DGKI: variants seen among roughly 807,000 people sequenced by gnomAD.
DGKI encodes DAG kinase iota.
In DGKI, 55 loss-of-function variants were observed where a neutral mutation model predicts 147.5. That is an observed-to-expected ratio of 0.37 (90% CI 0.30 to 0.47). DGKI has a LOEUF of 0.47. DGKI is among the 20% of genes least tolerant of loss of function. The probability of loss-of-function intolerance (pLI) is 1.00; values close to 1 mark genes in which losing one functional copy is unlikely to be tolerated. For missense variants in DGKI, 1,007 were observed against 1,323.8 expected (o/e 0.76, Z 3.71); for synonymous variants, 469 against 477.1 (o/e 0.98, Z 0.22).
chr7:137,692,922 C>T (rs775540591), intron 1 of DGKI, among the ~76,000 whole-genome samples: 20 of 152,042 alleles, frequency 1.3e-4, no homozygotes, highest in Non-Finnish European at 2.9e-5. Flanking sequence ...ATTGCCCTCA[C>T]AAAAGGACAT....
At chr7:137,780,295 G>A (rs553575344) in intron 1 of DGKI, among the ~76,000 whole-genome samples, 2 of 152,286 alleles carry the variant, frequency 1.3e-5, no homozygotes, top group East Asian at 1.9e-4. Context: ...AATGAGGAAT[G>A]GTATTTAGAG....
At chr7:137,400,640 G>A (rs1562995529) in intron 30 of DGKI, among the ~76,000 whole-genome samples, 1 of 152,094 alleles carries the variant, frequency 6.6e-6, no homozygotes, top group Non-Finnish European at 1.5e-5. Flanking sequence ...CATGCCCGCG[G>A]CTACCCATCA....
chr7:137,516,249 T>A (rs563451228), intron 21 of DGKI, among the ~76,000 whole-genome samples: 58 of 152,276 alleles, frequency 3.8e-4, no homozygotes, highest in African/African-American at 1.3e-3. Context: ...AAAACTCTAC[T>A]AAGGAAATAT....
chr7:137,658,820 G>T (rs931111312), intron 3 of DGKI, among the ~76,000 whole-genome samples: 6 of 152,312 alleles, frequency 3.9e-5, no homozygotes, highest in South Asian at 2.1e-4. Flanking sequence ...GGTGCATTAA[G>T]ATATGCTATC....
At chr7:137,492,307 A>T (rs1815793920) in intron 21 of DGKI, among the ~76,000 whole-genome samples, 1 of 152,228 alleles carries the variant, frequency 6.6e-6, no homozygotes, top group Non-Finnish European at 1.5e-5. Flanking sequence ...CTGAACAGAC[A>T]CAGCCAGAAG....
At chr7:137,521,837 A>G in intron 21 of DGKI, 29 bp downstream of exon 21, 2 of 1,504,562 alleles carry the variant, frequency 1.3e-6, no homozygotes, top group Non-Finnish European at 9.2e-7. Flanking sequence ...GGCTGATCGC[A>G]TGAAATCAAT....
chr7:137,836,953 C>A (rs1291295570), intron 1 of DGKI, among the ~76,000 whole-genome samples: 1 of 152,064 alleles, frequency 6.6e-6, no homozygotes, highest in East Asian at 1.9e-4. Flanking sequence ...GTCTAATAAA[C>A]CACTAGATTG....
chr7:137,749,392 C>A (rs1279564608), intron 1 of DGKI, among the ~76,000 whole-genome samples: 1 of 152,142 alleles, frequency 6.6e-6, no homozygotes, highest in Non-Finnish European at 1.5e-5. Context: ...AAGCAAGCTC[C>A]CCACTCAAAC....
chr7:137,473,814 A>G (rs932151974), intron 23 of DGKI, among the ~76,000 whole-genome samples: 4 of 152,164 alleles, frequency 2.6e-5, no homozygotes, highest in African/African-American at 7.2e-5. Context: ...TTTATAAACA[A>G]AGGGAAAAAA....
At position 137,407,861 on chromosome 7, in the gene DGKI, C is replaced by G; in HGVS notation, c.2920+14G>C. ...AGGTAAGTGATCCTTGGTAAGTTCACTATGCCTACTTACCGTGGTCAAGGA... is the reference window on the plus strand; with the variant it reads ...AGGTAAGTGATCCTTGGTAAGTTCAGTATGCCTACTTACCGTGGTCAAGGA... On this transcript the variant is annotated intron_variant, in intron 30 of 32. Transcript: ENST00000614521. The G allele has an allele frequency of 6.2e-7, 1 of 1,613,656 alleles. No homozygotes were observed. The highest frequency in any genetic ancestry group is 1.1e-5 in the South Asian group (1 of 90,992).
chr7:137,395,736 G>T (rs1299731716), intron 31 of DGKI, 39 bp from the exon 32 acceptor site: 1 of 1,593,252 alleles, frequency 6.3e-7, no homozygotes, highest in Admixed American at 1.7e-5. Flanking sequence ...CCATAAAGGG[G>T]TTGGAGGCAG....
intron 8 of DGKI, among the ~76,000 whole-genome samples, chr7:137,611,639 A>T (rs1248774825): frequency 6.6e-6 from 1 of 152,152 alleles, no homozygotes; most frequent in East Asian, 1.9e-4. Context: ...ACCTCATGGG[A>T]CAGTTATGAA....
chr7:137,753,863 C>A (rs1485991005), intron 1 of DGKI, among the ~76,000 whole-genome samples: 1 of 152,112 alleles, frequency 6.6e-6, no homozygotes, highest in Non-Finnish European at 1.5e-5. Flanking sequence ...TCCTACAGAG[C>A]AGCCCCAAAT....
chr7:137,599,358 T>C (rs1819906249), intron 11 of DGKI, among the ~76,000 whole-genome samples: 1 of 152,002 alleles, frequency 6.6e-6, no homozygotes, highest in Admixed American at 6.6e-5. Flanking sequence ...TCAGGTATAA[T>C]CAATTGATTC....
At position 137,507,650 on chromosome 7, in the gene DGKI, G is replaced by A. The variant is rs1026632690; in HGVS notation, c.2248+14216C>T. Among the ~76,000 whole-genome samples the A allele has an allele frequency of 1.1e-4, 17 of 152,184 alleles. 1 individual carries two copies. The highest frequency in any genetic ancestry group is 3.3e-4 in the Admixed American group (5 of 15,278). On this transcript the variant is annotated intron_variant, in intron 21 of 32. Coordinates refer to ENST00000614521, the MANE Select transcript of DGKI (RefSeq NM_001321708.2). ...CATTCACTTAATCATTTTAGCAAACGGGTTTTAAGGACTTTCTGGTGCTGG... is the reference window on the plus strand; with the variant it reads ...CATTCACTTAATCATTTTAGCAAACAGGTTTTAAGGACTTTCTGGTGCTGG...
In DGKI at chr7:137,823,403, T is replaced by C. The variant is rs148724762; in HGVS notation, c.401+23059A>G. Among the ~76,000 whole-genome samples, 672 of 152,286 alleles carry C rather than the reference T, an allele frequency of 4.4e-3. 10 individuals carry two copies. Among genetic ancestry groups the C allele is most frequent in the African/African-American group, 0.015 (633 of 41,550 alleles). The stretch of plus-strand genomic sequence containing the variant: ...CAAGTGTGAAGGTAAAATGTATATA[T>C]ATTCTCAGACATAAAAGGACTCTAA... On this transcript the variant is annotated intron_variant, in intron 1 of 32. Coordinates refer to ENST00000614521, the MANE Select transcript of DGKI (RefSeq NM_001321708.2).
intron 20 of DGKI, among the ~76,000 whole-genome samples, chr7:137,550,660 C>T (rs1475160471): frequency 6.6e-6 from 1 of 152,140 alleles, no homozygotes; most frequent in African/African-American, 2.4e-5. Context: ...AATACGAATT[C>T]TCAACACAAA....
intron 14 of DGKI, 34 bp downstream of exon 14, chr7:137,585,175 G>C: frequency 1.2e-6 from 2 of 1,612,640 alleles, no homozygotes; most frequent in African/African-American, 2.7e-5. Context: ...AGATGCTCCA[G>C]GGCTCCTTTC....
chr7:137,708,484 T>C (rs1331853932), intron 1 of DGKI, among the ~76,000 whole-genome samples: 1 of 152,216 alleles, frequency 6.6e-6, no homozygotes, highest in African/African-American at 2.4e-5. Flanking sequence ...TGTAGGATAC[T>C]TAGTTCAGCT....
Sources: gnomAD v4.1 joint callset for allele counts (sites outside exome capture counted in the v4.1 genomes callset) on GRCh38, gnomAD v4.1.1 for gene constraint, MANE v1.5 for transcripts, NCBI Gene and HGNC (gene_info 2026-07-23, HGNC 2026-07-21) for gene names.